The following DSE variants were observed in gnomAD, a reference collection of about 807,000 sequenced individuals.
The protein encoded by DSE is dermatan-sulfate epimerase.
Under a neutral mutation model 84.4 loss-of-function variants are expected in DSE, and 36 were observed. That is an observed-to-expected ratio of 0.43 (90% confidence interval 0.33 to 0.56). DSE has a LOEUF of 0.56. Ranked by LOEUF, DSE falls within the 20% of genes least tolerant of loss-of-function variation. The probability of loss-of-function intolerance (pLI) is 0.06; values close to 1 mark genes in which losing one functional copy is unlikely to be tolerated. For synonymous variants in DSE, 410 were observed against 430.1 expected, an observed-to-expected ratio of 0.95 and a Z score of 0.58; for missense variants, 862 against 1,169.6, an observed-to-expected ratio of 0.74 and a Z score of 3.84.
At chr6:116,279,073 A>T in intron 2 of DSE, 1 of 1,613,342 alleles carries the variant, frequency 6.2e-7, no homozygotes, top group Non-Finnish European at 8.5e-7. Flanking sequence ...CTTGTGCTCC[A>T]GCTGTTGGAA....
chr6:116,347,123 C>T (rs952272971), intron 2 of DSE, among the ~76,000 whole-genome samples: 1 of 151,988 alleles, frequency 6.6e-6, no homozygotes, highest in Admixed American at 6.6e-5. Context: ...TAAAAGAGGA[C>T]ACAAACAAAT....
upstream of DSE, chr6:116,366,181 G>C (rs1779155961): frequency 6.6e-6 from 1 of 152,214 alleles, no homozygotes; most frequent in Non-Finnish European, 1.5e-5. Flanking sequence ...ACTCAACAAT[G>C]TTAAATGACT....
At chr6:116,372,326 G>T (rs547880622) in intron 1 of DSE, among the ~76,000 whole-genome samples, 1 of 152,228 alleles carries the variant, frequency 6.6e-6, no homozygotes, top group East Asian at 1.9e-4. Flanking sequence ...AAATTAGCCG[G>T]GCGTGGTGGC....
intron 2 of DSE, among the ~76,000 whole-genome samples, chr6:116,348,801 A>G (rs944642653): frequency 1.3e-5 from 2 of 152,230 alleles, no homozygotes; most frequent in Non-Finnish European, 1.5e-5. Flanking sequence ...AGCCATAAAA[A>G]AGGATGAGTT....
intron 2 of DSE, among the ~76,000 whole-genome samples, chr6:116,335,049 ACT>A (rs1777161072): frequency 6.6e-6 from 1 of 152,134 alleles, no homozygotes; most frequent in Non-Finnish European, 1.5e-5. Flanking sequence ...AATGTAAATC[ACT>A]CTGTTACAAA....
At position 116,435,917 on chromosome 6, in the gene DSE, T is replaced by G; in HGVS notation, c.1449T>G (p.Val483=). Residue 483 remains valine, a synonymous_variant, in exon 6 of 6, where the codon GTT becomes GTG. Coordinates refer to ENST00000644252, the MANE Select transcript of DSE (RefSeq NM_013352.4). ...YGPKYTFFNN[V]LMFSPAVSKS... ...CAAAGTACACCTTCTTCAACAATGT[T>G]TTGATGTTTTCCCCAGCTGTGTCAA... 1 of 1,614,118 alleles carries G rather than the reference T, an allele frequency of 6.2e-7. No homozygotes were observed. The highest frequency in any genetic ancestry group is 2.2e-5 in the East Asian group (1 of 44,878).
At chr6:116,304,183 G>A (rs1775210209) in intron 2 of DSE, among the ~76,000 whole-genome samples, 1 of 151,888 alleles carries the variant, frequency 6.6e-6, no homozygotes, top group African/African-American at 2.4e-5. Flanking sequence ...GGAAACGAAG[G>A]TCTCCTTAGT....
At chr6:116,308,053 T>C (rs770814057) in intron 2 of DSE, among the ~76,000 whole-genome samples, 1 of 152,222 alleles carries the variant, frequency 6.6e-6, no homozygotes, top group Non-Finnish European at 1.5e-5. Flanking sequence ...GAGTATACCA[T>C]CACCATCCTG....
At chr6:116,346,304 G>A (rs1344636271) in intron 2 of DSE, among the ~76,000 whole-genome samples, 5 of 152,158 alleles carry the variant, frequency 3.3e-5, no homozygotes, top group Non-Finnish European at 7.4e-5. Flanking sequence ...AAGCCTGGCA[G>A]AGGCCCAACA....
intron 2 of DSE, among the ~76,000 whole-genome samples, chr6:116,262,853 C>T (rs1357581434): frequency 6.6e-6 from 1 of 152,106 alleles, no homozygotes; most frequent in Non-Finnish European, 1.5e-5. Context: ...TGATTTTTGC[C>T]TTAATTTCAT....
chr6:116,260,973 T>C (rs546978025), intron 2 of DSE, among the ~76,000 whole-genome samples: 30 of 152,208 alleles, frequency 2.0e-4, no homozygotes, highest in African/African-American at 6.8e-4. Flanking sequence ...TGGGCTCTTT[T>C]TGGCTTCCAT....
At chr6:116,301,742 C>T (rs1354728052) in intron 2 of DSE, among the ~76,000 whole-genome samples, 1 of 152,084 alleles carries the variant, frequency 6.6e-6, no homozygotes, top group Non-Finnish European at 1.5e-5. Context: ...CCCATCAACC[C>T]GTCATCTGCT....
rs36061922 is a variant in DSE at position 116,399,364 on chromosome 6, C to T, written c.114C>T (p.Ala38=). Residue 38 remains alanine, a synonymous_variant, in exon 2 of 6, where the codon GCC becomes GCT. Transcript: ENST00000644252. ...AAGTTATGATTCCCTTCACCAATGC[C>T]AACTACGACAGCCATCCCATGCTGT... The part of the protein sequence containing the change: ...NPEVMIPFTN[A]NYDSHPMLYF... 9.3e-4 allele frequency: 1,503 copies of T among 1,614,106 alleles called. 18 individuals carry two copies. In the African/African-American group the frequency reaches 0.017, roughly 19 times the overall value.
chr6:116,409,363 G>A (rs1265222227), intron 2 of DSE, among the ~76,000 whole-genome samples: 2 of 152,044 alleles, frequency 1.3e-5, no homozygotes, highest in Admixed American at 6.6e-5. Flanking sequence ...TGCAAGCTCC[G>A]CCTCCTGGGT....
chr6:116,330,153 C>A (rs1776853839), intron 2 of DSE, among the ~76,000 whole-genome samples: 1 of 152,126 alleles, frequency 6.6e-6, no homozygotes, highest in Non-Finnish European at 1.5e-5. Flanking sequence ...AAGTATTAAA[C>A]CTTAACTTTT....
chr6:116,327,027 G>A lies in DSE; in HGVS notation c.-54+68060G>A, dbSNP rs146623724. On this transcript the variant is annotated intron_variant, in intron 2 of 3. Coordinates refer to the DSE transcript ENST00000430252. ...ATTTGTATGATCTTCAAATATTCAG[G>A]CCTTCTGTAGAAGCCTTCTAACTCG... Among the ~76,000 whole-genome samples the A allele has an allele frequency of 1.8e-3, 267 of 152,256 alleles. 1 individual carries two copies. Among genetic ancestry groups the A allele is most frequent in the African/African-American group, 5.8e-3 (243 of 41,546 alleles).
At chr6:116,304,949 T>A (rs1278717221) in intron 2 of DSE, among the ~76,000 whole-genome samples, 1 of 152,174 alleles carries the variant, frequency 6.6e-6, no homozygotes, top group Non-Finnish European at 1.5e-5. Context: ...GTAATCCATC[T>A]CTATCCTAGA....
chr6:116,403,558 GA>G (rs1395475768), intron 2 of DSE, among the ~76,000 whole-genome samples: 1 of 152,090 alleles, frequency 6.6e-6, no homozygotes, highest in African/African-American at 2.4e-5. Flanking sequence ...AAAGAGGGGG[GA>G]AAGACTGGAG....
intron 2 of DSE, among the ~76,000 whole-genome samples, chr6:116,312,820 A>G (rs1238976792): frequency 6.6e-6 from 1 of 152,068 alleles, no homozygotes; most frequent in African/African-American, 2.4e-5. Flanking sequence ...GACCCTGGGA[A>G]TGCAGTAGGA....
Sources: allele counts gnomAD v4.1 joint callset (sites outside exome capture counted in the v4.1 genomes callset), GRCh38; gene constraint gnomAD v4.1.1; transcripts MANE v1.5; gene names NCBI Gene and HGNC (gene_info 2026-07-23, HGNC 2026-07-21).